RAB30: variants seen among roughly 807,000 people sequenced by gnomAD.
The protein encoded by RAB30 is ras-related protein Rab-30.
Under a neutral mutation model 25.1 loss-of-function variants are expected in RAB30, and 9 were observed. The ratio of observed to expected loss-of-function variants is 0.36; its 90% confidence interval spans 0.22 to 0.63. RAB30 has a LOEUF of 0.63. RAB30 is among the 20% of genes least tolerant of loss of function. RAB30 has a pLI of 0.69. For missense variants in RAB30, 140 were observed against 243.5 expected (o/e 0.58, Z 2.83); for synonymous variants, 77 against 86.4 (o/e 0.89, Z 0.60).
chr11:83,008,108 CT>C (rs1857225360), intron 1 of RAB30, among the ~76,000 whole-genome samples: 1 of 152,218 alleles, frequency 6.6e-6, no homozygotes, highest in Admixed American at 6.5e-5. Context: ...GAAGAACCTT[CT>C]TATCAGCTTA....
At chr11:83,069,034 T>G (rs1399998686) in intron 1 of RAB30, among the ~76,000 whole-genome samples, 1 of 152,194 alleles carries the variant, frequency 6.6e-6, no homozygotes, top group Non-Finnish European at 1.5e-5. Flanking sequence ...TTGTCAGAAT[T>G]ATAGGTTGGG....
At chr11:82,997,152 T>C in intron 2 of RAB30, 72 bp downstream of exon 2, 1 of 1,294,054 alleles carries the variant, frequency 7.7e-7, no homozygotes, top group South Asian at 1.2e-5. Flanking sequence ...TCTCGACAGA[T>C]TCCCCCAACC....
chr11:82,978,849 T>C lies in RAB30; in HGVS notation c.*3316A>G, dbSNP rs1326929437. The C allele has an allele frequency of 6.6e-6, 1 of 152,220 alleles. No homozygotes were observed. The highest frequency in any genetic ancestry group is 2.4e-5 in the African/African-American group (1 of 41,458). 9.4% of individuals were successfully genotyped at this position (152,220 alleles called of 1,614,324 possible). On this transcript the variant is annotated 3_prime_UTR_variant, in exon 5 of 5. Transcript: ENST00000527633. ...CCAAATATCTTATTTTGGCCAATCG[T>C]TTCTACCTTCCTTATAAACTCTAAA...
chr11:83,004,139 T>G (rs985938463), intron 1 of RAB30, among the ~76,000 whole-genome samples: 1 of 152,226 alleles, frequency 6.6e-6, no homozygotes, highest in Non-Finnish European at 1.5e-5. Flanking sequence ...TATATATGCC[T>G]TGCTACTAGG....
chr11:83,066,298 G>A (rs1222563392), intron 1 of RAB30, among the ~76,000 whole-genome samples: 1 of 152,130 alleles, frequency 6.6e-6, no homozygotes, highest in Non-Finnish European at 1.5e-5. Flanking sequence ...AAGTGAGGAG[G>A]CATTTTCAAT....
intron 1 of RAB30, among the ~76,000 whole-genome samples, chr11:82,998,068 AAT>A (rs1461056520): frequency 1.3e-5 from 2 of 152,118 alleles, no homozygotes; most frequent in African/African-American, 4.8e-5. Flanking sequence ...ATCTTCCCCA[AAT>A]AAAGTTAAAC....
At chr11:83,056,575 T>TA (rs1858463571) in intron 1 of RAB30, among the ~76,000 whole-genome samples, 1 of 152,076 alleles carries the variant, frequency 6.6e-6, no homozygotes, top group African/African-American at 2.4e-5. Flanking sequence ...ACTTATCAAG[T>TA]AAAAAAGGAC....
At chr11:83,008,944 A>G (rs1857245112) in intron 1 of RAB30, among the ~76,000 whole-genome samples, 1 of 152,180 alleles carries the variant, frequency 6.6e-6, no homozygotes, top group African/African-American at 2.4e-5. Flanking sequence ...AAGGCTCTTC[A>G]TAATCTGGCC....
intron 1 of RAB30, among the ~76,000 whole-genome samples, chr11:83,042,021 C>T (rs1352822251): frequency 1.4e-5 from 2 of 141,312 alleles, no homozygotes; most frequent in Non-Finnish European, 3.1e-5. Flanking sequence ...CAGAGTGAGA[C>T]TCTGTCTCAA....
chr11:83,009,694 A>C (rs1857262979), intron 1 of RAB30, among the ~76,000 whole-genome samples: 1 of 152,254 alleles, frequency 6.6e-6, no homozygotes, highest in Non-Finnish European at 1.5e-5. Context: ...CAGATAAATA[A>C]ATGGCCACTG....
chr11:83,032,192 C>T (rs971775214), intron 1 of RAB30, among the ~76,000 whole-genome samples: 4 of 152,172 alleles, frequency 2.6e-5, no homozygotes, highest in Non-Finnish European at 5.9e-5. Flanking sequence ...CCCATTAGAG[C>T]CTTTTAAACC....
At chr11:83,028,270 C>T (rs918471012) in intron 1 of RAB30, among the ~76,000 whole-genome samples, 15 of 151,802 alleles carry the variant, frequency 9.9e-5, no homozygotes, top group Admixed American at 2.0e-4. Context: ...ATGATAAAAT[C>T]GAAATCTTCT....
At chr11:83,009,105 A>G (rs1857250171) in intron 1 of RAB30, among the ~76,000 whole-genome samples, 1 of 149,706 alleles carries the variant, frequency 6.7e-6, no homozygotes. Flanking sequence ...AGAGTTTCTC[A>G]TCACCCAGGC....
chr11:82,995,439 T>G (rs1856938376), intron 2 of RAB30, among the ~76,000 whole-genome samples: 1 of 152,206 alleles, frequency 6.6e-6, no homozygotes, highest in East Asian at 1.9e-4. Flanking sequence ...GCCAAGAAGT[T>G]AAACGAATTC....
intron 1 of RAB30, among the ~76,000 whole-genome samples, chr11:83,018,709 T>G (rs1857497183): frequency 6.6e-6 from 1 of 152,230 alleles, no homozygotes; most frequent in Admixed American, 6.5e-5. Flanking sequence ...AGGTCCCATC[T>G]ATTTATTTTG....
chr11:83,030,036 G>A (rs746971980), intron 1 of RAB30, among the ~76,000 whole-genome samples: 4 of 152,146 alleles, frequency 2.6e-5, no homozygotes, highest in Non-Finnish European at 5.9e-5. Flanking sequence ...TTGTGACCTG[G>A]GGAAGGAGTG....
At chr11:83,035,817 A>C (rs1046822445) in intron 1 of RAB30, 4 of 152,264 alleles carry the variant, frequency 2.6e-5, no homozygotes, top group Non-Finnish European at 1.5e-5. Flanking sequence ...CTGGGTTAGA[A>C]CTGTCTTTCC....
intron 1 of RAB30, among the ~76,000 whole-genome samples, chr11:83,025,995 C>T (rs1054266130): frequency 2.6e-5 from 4 of 152,004 alleles, no homozygotes; most frequent in Non-Finnish European, 5.9e-5. Context: ...TTGAGACCAG[C>T]CTAGGAAACA....
At chr11:83,058,801 T>A (rs552176628) in intron 1 of RAB30, among the ~76,000 whole-genome samples, 1 of 152,384 alleles carries the variant, frequency 6.6e-6, no homozygotes, top group South Asian at 2.1e-4. Flanking sequence ...AACCTGAGTC[T>A]CAGAGCAGTT....
Sources: allele counts gnomAD v4.1 joint callset (sites outside exome capture counted in the v4.1 genomes callset), GRCh38; gene constraint gnomAD v4.1.1; transcripts MANE v1.5; gene names NCBI Gene and HGNC (gene_info 2026-07-23, HGNC 2026-07-21).